DPYD: variants seen among roughly 807,000 people sequenced by gnomAD.
DPYD encodes the protein dihydropyrimidine dehydrogenase.
DPYD carries 109 observed loss-of-function variants against 116.2 expected under a neutral mutation model. That is an observed-to-expected ratio of 0.94 (90% confidence interval 0.80 to 1.10). DPYD has a LOEUF of 1.10. Among genes scored for constraint, DPYD ranks in the 50% least tolerant of loss-of-function variants. DPYD has a pLI of 0.00. For synonymous variants in DPYD, 440 were observed against 432.0 expected (o/e 1.02, Z -0.23); for missense variants, 1,302 against 1,254.5 (o/e 1.04, Z -0.57).
chr1:97,582,065 A>G (rs1158913341), intron 10 of DPYD, among the ~76,000 whole-genome samples: 1 of 152,178 alleles, frequency 6.6e-6, no homozygotes, highest in East Asian at 1.9e-4. Context: ...TTAGTTTAGG[A>G]TTGCTATAGT....
chr1:97,406,731 A>C (rs2101652918), intron 14 of DPYD, among the ~76,000 whole-genome samples: 1 of 152,218 alleles, frequency 6.6e-6, no homozygotes, highest in East Asian at 1.9e-4. Flanking sequence ...ACAAGCTATC[A>C]TATATTTTTA....
chr1:97,847,390 A>G (rs1027694133), intron 2 of DPYD, among the ~76,000 whole-genome samples: 5 of 152,240 alleles, frequency 3.3e-5, no homozygotes, highest in Non-Finnish European at 7.3e-5. Context: ...TGTCTTCAAC[A>G]TACCTATGAA....
At chr1:97,444,410 G>C (rs1367452438) in intron 14 of DPYD, among the ~76,000 whole-genome samples, 1 of 152,080 alleles carries the variant, frequency 6.6e-6, no homozygotes, top group African/African-American at 2.4e-5. Flanking sequence ...AAAAATCTCT[G>C]CTTCACAGAT....
rs772229101 is a variant in DPYD at position 97,193,189 on chromosome 1, G to A, written c.2502C>T (p.Leu834=). Residue 834 remains leucine, a synonymous_variant, in exon 20 of 23, where the codon CTC becomes CTT. Transcript: ENST00000370192. Reference sequence around the variant, plus strand: ...TGCTTTTCAGATAAAGCAGGGCTTTGAGGCCAGTGCAGTAGTCTTCGATCA... The same window carrying A: ...TGCTTTTCAGATAAAGCAGGGCTTTAAGGCCAGTGCAGTAGTCTTCGATCA... The part of the protein sequence containing the change: ...FTVIEDYCTG[L]KALLYLKSIE... The A allele has an allele frequency of 3.1e-6, 5 of 1,613,996 alleles. No homozygotes were observed. The highest frequency in any genetic ancestry group is 1.1e-5 in the South Asian group (1 of 91,076).
intron 18 of DPYD, among the ~76,000 whole-genome samples, chr1:97,278,247 C>G (rs1353321080): frequency 6.6e-6 from 1 of 152,156 alleles, no homozygotes; most frequent in African/African-American, 2.4e-5. Flanking sequence ...GAAAGTTTGC[C>G]TACTCAGGGG....
chr1:97,533,072 T>C (rs1391678517), intron 12 of DPYD, among the ~76,000 whole-genome samples: 1 of 152,016 alleles, frequency 6.6e-6, no homozygotes, highest in Non-Finnish European at 1.5e-5. Flanking sequence ...TTATTAGTCT[T>C]TTGGTATTTT....
At chr1:97,748,097 G>A (rs1261465191) in intron 3 of DPYD, among the ~76,000 whole-genome samples, 1 of 152,032 alleles carries the variant, frequency 6.6e-6, no homozygotes, top group African/African-American at 2.4e-5. Flanking sequence ...AAACATAGTA[G>A]ACATCTGACA....
At chr1:97,636,718 C>T (rs1657582330) in intron 8 of DPYD, among the ~76,000 whole-genome samples, 1 of 152,106 alleles carries the variant, frequency 6.6e-6, no homozygotes, top group South Asian at 2.1e-4. Context: ...TTATTTTCTA[C>T]CGAAGAGTCT....
chr1:97,472,337 C>T (rs1196465408), intron 13 of DPYD, among the ~76,000 whole-genome samples: 3 of 152,212 alleles, frequency 2.0e-5, no homozygotes, highest in Non-Finnish European at 4.4e-5. Flanking sequence ...CTCTCCTTCA[C>T]CCACCTGGTT....
intron 3 of DPYD, among the ~76,000 whole-genome samples, chr1:97,810,286 C>CAAAA (rs71071672): frequency 3.6e-4 from 26 of 73,104 alleles, no homozygotes; most frequent in East Asian, 1.9e-3. Flanking sequence ...GACTCCATCT[C>CAAAA]AAAAAAAAAA....
In DPYD at chr1:97,085,485, CTTA is replaced by C. The variant is rs377047345; in HGVS notation, c.2767-3018_2767-3016del. On this transcript the variant is annotated intron_variant, in intron 21 of 22. Transcript: ENST00000370192. The stretch of plus-strand genomic sequence containing the variant: ...AGCACATGGTGTTAACAATTCATCC[CTTA>C]TTAAGTACAATTTTTTAAGAAAATT... 5.1e-4 allele frequency among the ~76,000 whole-genome samples: 78 copies of C among 152,260 alleles called. 2 individuals are homozygous for C. In the South Asian group the frequency reaches 0.016, roughly 31 times the overall value.
At chr1:97,208,488 G>A in intron 19 of DPYD, among the ~76,000 whole-genome samples, 1 of 151,722 alleles carries the variant, frequency 6.6e-6, no homozygotes, top group South Asian at 2.1e-4. Context: ...GTCTTGCTAT[G>A]TTGCCCAGGC....
chr1:97,919,349 A>T (rs909427326), intron 1 of DPYD, among the ~76,000 whole-genome samples: 1 of 152,230 alleles, frequency 6.6e-6, no homozygotes, highest in African/African-American at 2.4e-5. Context: ...AAATGTTCTT[A>T]GTTGAAACAA....
At chr1:97,101,098 C>CA (rs561009165) in intron 20 of DPYD, among the ~76,000 whole-genome samples, 17,084 of 143,736 alleles carry the variant, frequency 0.12, 1,329 homozygotes, top group African/African-American at 0.24. Flanking sequence ...TAATTGAAAG[C>CA]AAAAAAAAAA....
chr1:97,701,105 A>T (rs1661572508), intron 5 of DPYD, among the ~76,000 whole-genome samples: 1 of 150,054 alleles, frequency 6.7e-6, no homozygotes, highest in South Asian at 2.1e-4. Context: ...TGCCTTAAAT[A>T]TAAGAGCACA....
intron 20 of DPYD, among the ~76,000 whole-genome samples, chr1:97,162,082 T>C (rs1198653519): frequency 1.3e-5 from 2 of 152,006 alleles, no homozygotes; most frequent in Non-Finnish European, 2.9e-5. Flanking sequence ...TTTGGGTATA[T>C]ACCCAGTAAT....
intron 5 of DPYD, chr1:97,720,224 A>G (rs1250685168): frequency 2.0e-6 from 2 of 984,758 alleles, no homozygotes; most frequent in Non-Finnish European, 2.4e-6. Flanking sequence ...TCAATTACTA[A>G]TGATATCATT....
chr1:97,699,737 C>T (rs1661490859), intron 5 of DPYD, among the ~76,000 whole-genome samples, 190 bp from the exon 6 acceptor site: 1 of 151,912 alleles, frequency 6.6e-6, no homozygotes, highest in African/African-American at 2.4e-5. Flanking sequence ...TCAGTCTTTC[C>T]TTTCTAGAGT....
chr1:97,894,615 C>T (rs781110323), intron 1 of DPYD, among the ~76,000 whole-genome samples: 1 of 151,508 alleles, frequency 6.6e-6, no homozygotes, highest in Non-Finnish European at 1.5e-5. Flanking sequence ...AATAATGTAA[C>T]ACTAGCTATT....
Sources: gnomAD v4.1 joint callset for allele counts (sites outside exome capture counted in the v4.1 genomes callset) on GRCh38, gnomAD v4.1.1 for gene constraint, MANE v1.5 for transcripts, NCBI Gene and HGNC (gene_info 2026-07-23, HGNC 2026-07-21) for gene names.